Variants in TTC1 observed in about 807,000 individuals in gnomAD.
TTC1 encodes tetratricopeptide repeat protein 1.
Under a neutral mutation model 37.6 loss-of-function variants are expected in TTC1, and 31 were observed. The ratio of observed to expected loss-of-function variants is 0.82; its 90% CI spans 0.62 to 1.11. TTC1 has a LOEUF of 1.11. TTC1 is among the 50% of genes most tolerant of loss of function. The pLI is 0.00. For missense variants in TTC1, 351 were observed against 339.0 expected, an observed-to-expected ratio of 1.04 and a Z score of -0.28; for synonymous variants, 127 against 122.4, an observed-to-expected ratio of 1.04 and a Z score of -0.25.
chr5:160,060,273 G>A (rs1253900109), intron 7 of TTC1, among the ~76,000 whole-genome samples: 55 of 152,208 alleles, frequency 3.6e-4, no homozygotes, highest in Admixed American at 3.5e-3. Context: ...ACTGCCTGAT[G>A]CACAGTCAGT....
chr5:160,030,736 T>G (rs1220403834), intron 2 of TTC1, among the ~76,000 whole-genome samples: 1 of 152,194 alleles, frequency 6.6e-6, no homozygotes, highest in East Asian at 1.9e-4. Flanking sequence ...AAGTACTGAG[T>G]AAACAGCCCT....
intron 5 of TTC1, among the ~76,000 whole-genome samples, chr5:160,046,588 G>A (rs1252481679): frequency 1.3e-5 from 2 of 151,768 alleles, no homozygotes; most frequent in Admixed American, 1.3e-4. Flanking sequence ...TCCACCTTGT[G>A]TGTATATTTC....
intron 2 of TTC1, among the ~76,000 whole-genome samples, chr5:160,031,272 A>T (rs985256495): frequency 1.4e-4 from 22 of 152,114 alleles, no homozygotes; most frequent in Non-Finnish European, 2.6e-4. Flanking sequence ...AATGTTTACT[A>T]CTCAGTGGGC....
intron 1 of TTC1, among the ~76,000 whole-genome samples, chr5:160,010,061 GGAAGAGTTACATTA>G (rs1339096171): frequency 6.6e-6 from 1 of 152,098 alleles, no homozygotes; most frequent in Non-Finnish European, 1.5e-5. Flanking sequence ...GGTGGAACGT[GGAAGAGTTACATTA>G]AAAACGGCTT....
chr5:160,053,899 G>A (rs998345538), intron 7 of TTC1, among the ~76,000 whole-genome samples: 1 of 152,202 alleles, frequency 6.6e-6, no homozygotes, highest in African/African-American at 2.4e-5. Context: ...TTAGTGGGTA[G>A]AACAATTATT....
chr5:160,019,729 C>T (rs956784420), intron 2 of TTC1, among the ~76,000 whole-genome samples: 8 of 151,492 alleles, frequency 5.3e-5, no homozygotes, highest in Non-Finnish European at 1.0e-4. Context: ...GGGCTACAGG[C>T]GTGTGCCACC....
chr5:160,048,450 C>A (rs931773079), intron 5 of TTC1, among the ~76,000 whole-genome samples: 2 of 152,150 alleles, frequency 1.3e-5, no homozygotes, highest in South Asian at 4.1e-4. Context: ...CCACCACACC[C>A]GGCCAGCACT....
intron 7 of TTC1, among the ~76,000 whole-genome samples, chr5:160,056,113 C>T (rs769210379): frequency 1.3e-5 from 2 of 152,184 alleles, no homozygotes; most frequent in African/African-American, 4.8e-5. Context: ...AGGTGCCTAT[C>T]CCTACCTTGA....
chr5:160,042,034 A>G (rs370140508), intron 4 of TTC1, among the ~76,000 whole-genome samples: 7 of 152,016 alleles, frequency 4.6e-5, no homozygotes, highest in South Asian at 2.1e-4. Flanking sequence ...GTTTCAAGCA[A>G]TTCTCCTGCC....
intron 4 of TTC1, among the ~76,000 whole-genome samples, chr5:160,040,105 T>A (rs1388425577): frequency 6.6e-6 from 1 of 152,212 alleles, no homozygotes; most frequent in Non-Finnish European, 1.5e-5. Context: ...GCTCCTGGGC[T>A]ACAAACCTGT....
intron 7 of TTC1, among the ~76,000 whole-genome samples, chr5:160,059,006 G>A (rs1333870843): frequency 2.0e-5 from 3 of 152,304 alleles, no homozygotes; most frequent in Admixed American, 2.0e-4. Context: ...AGGCAGAGTA[G>A]ATTTAGCATC....
intron 2 of TTC1, among the ~76,000 whole-genome samples, chr5:160,012,771 A>G (rs1380739534): frequency 6.6e-6 from 1 of 152,196 alleles, no homozygotes; most frequent in Non-Finnish European, 1.5e-5. Flanking sequence ...ATTTAGTGAA[A>G]CTGTATATCA....
intron 5 of TTC1, among the ~76,000 whole-genome samples, chr5:160,043,489 C>T (rs549385744): frequency 1.3e-5 from 2 of 152,140 alleles, no homozygotes; most frequent in East Asian, 1.9e-4. Context: ...CCCAGCTACT[C>T]GGGAGGCTGA....
chr5:160,018,394 TG>T (rs1255022792), intron 2 of TTC1, among the ~76,000 whole-genome samples: 1 of 152,068 alleles, frequency 6.6e-6, no homozygotes, highest in Non-Finnish European at 1.5e-5. Context: ...TCTGGAGAGG[TG>T]GCCTCTCAAC....
chr5:160,064,833 C>CT, intron 7 of TTC1, 99 bp from the exon 8 acceptor site: 1 of 1,306,276 alleles, frequency 7.7e-7, no homozygotes, highest in South Asian at 1.4e-5. Context: ...CAAAGAGATA[C>CT]TTTTATATTT....
chr5:160,014,007 A>G (rs116367675), intron 2 of TTC1, among the ~76,000 whole-genome samples: 1,762 of 152,266 alleles, frequency 0.012, 23 homozygotes, highest in African/African-American at 0.024. Context: ...ACATCAGGCT[A>G]TTGAGCACTT....
intron 5 of TTC1, among the ~76,000 whole-genome samples, chr5:160,045,508 ACACACATACACACTCT>A (rs1757203846): frequency 2.6e-5 from 2 of 75,860 alleles, no homozygotes; most frequent in African/African-American, 5.8e-5. Flanking sequence ...ACACACACAC[ACACACATACACACTCT>A]CTCTCTCTCT....
At chr5:160,036,604 G>A (rs1402096355) in intron 3 of TTC1, 87 bp from the exon 4 acceptor site, 2 of 899,290 alleles carry the variant, frequency 2.2e-6, no homozygotes, top group East Asian at 5.0e-5. Context: ...TCCTATGAAT[G>A]GAAAACAGTG....
intron 7 of TTC1, among the ~76,000 whole-genome samples, chr5:160,060,323 T>A (rs10074960): frequency 0.59 from 89,344 of 151,710 alleles, 26,309 homozygotes; most frequent in East Asian, 0.62. Flanking sequence ...TCAATTGGGT[T>A]ATGGTGATAT....
Sources: gnomAD v4.1 joint callset for allele counts (sites outside exome capture counted in the v4.1 genomes callset) on GRCh38, gnomAD v4.1.1 for gene constraint, MANE v1.5 for transcripts, NCBI Gene and HGNC (gene_info 2026-07-23, HGNC 2026-07-21) for gene names.